Variants in COL25A1 observed in about 807,000 individuals in gnomAD.
COL25A1 encodes the protein collagen alpha-1(XXV) chain.
In COL25A1, 103 loss-of-function variants were observed where a neutral mutation model predicts 128.4. That is an observed-to-expected ratio of 0.80 (90% confidence interval 0.68 to 0.94). The LOEUF is 0.94. Among genes scored for constraint, COL25A1 ranks in the 40% least tolerant of loss-of-function variants. The pLI is 0.00. For synonymous variants in COL25A1, 279 were observed against 277.2 expected (o/e 1.01, Z -0.06); for missense variants, 745 against 840.0 (o/e 0.89, Z 1.40).
At chr4:108,889,151 A>T in intron 18 of COL25A1, 70 bp downstream of exon 18, 1 of 1,273,080 alleles carries the variant, frequency 7.9e-7, no homozygotes, top group Non-Finnish European at 1.1e-6. Flanking sequence ...TTTTCATATT[A>T]CACAGTGGAT....
rs1730925163 is a variant in COL25A1 at position 108,813,055 on chromosome 4, A to G, written c.*872T>C. The G allele has an allele frequency of 6.6e-6, 1 of 152,214 alleles. No individual in the cohort carries two copies. 9.4% of individuals were successfully genotyped at this position (152,214 alleles called of 1,614,324 possible). ...GTGGTTCTGCATGTTTGCATTTGTA[A>G]ACCTCTTTCCTACTTGGTCACATGA... On this transcript the variant is annotated 3_prime_UTR_variant, in exon 38 of 38. Transcript: ENST00000399132.
intron 3 of COL25A1, among the ~76,000 whole-genome samples, chr4:109,073,158 G>A (rs1425354): frequency 0.044 from 6,716 of 152,210 alleles, 201 homozygotes; most frequent in Non-Finnish European, 0.074. Flanking sequence ...GGGGAGGGGC[G>A]CATGTGCATG....
chr4:109,093,676 T>C (rs1765154900), intron 3 of COL25A1, among the ~76,000 whole-genome samples: 1 of 151,928 alleles, frequency 6.6e-6, no homozygotes, highest in Non-Finnish European at 1.5e-5. Flanking sequence ...AGCCAAAATG[T>C]GGGTTTTAAA....
At chr4:108,823,812 G>T in intron 35 of COL25A1, 1 of 826,002 alleles carries the variant, frequency 1.2e-6, no homozygotes, top group Non-Finnish European at 1.6e-6. Context: ...CCTTTGCAGG[G>T]TTCAATGAGC....
intron 3 of COL25A1, among the ~76,000 whole-genome samples, chr4:109,243,009 G>A (rs1486023259): frequency 6.6e-6 from 1 of 151,966 alleles, no homozygotes; most frequent in Non-Finnish European, 1.5e-5. Flanking sequence ...TCCAGACTTC[G>A]TCATCCTACA....
At chr4:109,140,681 TTC>T (rs1352912706) in intron 3 of COL25A1, among the ~76,000 whole-genome samples, 3 of 152,204 alleles carry the variant, frequency 2.0e-5, no homozygotes, top group African/African-American at 4.8e-5. Flanking sequence ...AGGTATTTTA[TTC>T]TCTTTGCAGC....
intron 3 of COL25A1, among the ~76,000 whole-genome samples, chr4:109,083,619 C>T (rs1028013808): frequency 3.3e-5 from 5 of 151,816 alleles, no homozygotes; most frequent in Non-Finnish European, 4.4e-5. Context: ...CCCGCTACCA[C>T]GCCCGGCTAA....
chr4:108,823,863 CT>C (rs1348382986), intron 35 of COL25A1: 6 of 1,324,532 alleles, frequency 4.5e-6, no homozygotes, highest in Non-Finnish European at 5.8e-6. Context: ...TTTAATTTTA[CT>C]TTTTAAAATG....
At chr4:108,814,757 C>G (rs1239007053) in intron 37 of COL25A1, among the ~76,000 whole-genome samples, 1 of 152,114 alleles carries the variant, frequency 6.6e-6, no homozygotes, top group South Asian at 2.1e-4. Flanking sequence ...GGTTGTAGGG[C>G]ACAGTGGCAA....
At chr4:108,967,942 C>T (rs567381494) in intron 8 of COL25A1, among the ~76,000 whole-genome samples, 7 of 152,182 alleles carry the variant, frequency 4.6e-5, no homozygotes, top group East Asian at 1.9e-4. Flanking sequence ...TATCTCTTTA[C>T]GCCCGGATAC....
At chr4:108,861,296 T>C (rs187398949) in intron 22 of COL25A1, among the ~76,000 whole-genome samples, 5 of 152,280 alleles carry the variant, frequency 3.3e-5, no homozygotes, top group Admixed American at 6.5e-5. Flanking sequence ...ACCTTGCAAA[T>C]TGAGCCATTT....
chr4:109,165,547 C>T (rs1431983342), intron 3 of COL25A1, among the ~76,000 whole-genome samples: 2 of 152,090 alleles, frequency 1.3e-5, no homozygotes, highest in African/African-American at 2.4e-5. Flanking sequence ...GAGACCCAGT[C>T]TCTACAAGAA....
intron 36 of COL25A1, among the ~76,000 whole-genome samples, chr4:108,818,545 A>G (rs914531988): frequency 7.2e-5 from 11 of 152,202 alleles, no homozygotes; most frequent in Admixed American, 6.6e-4. Flanking sequence ...AGAAGGTTCA[A>G]CCAGCAGAAT....
At chr4:109,054,642 G>A (rs1482813773) in intron 3 of COL25A1, among the ~76,000 whole-genome samples, 1 of 152,084 alleles carries the variant, frequency 6.6e-6, no homozygotes, top group African/African-American at 2.4e-5. Context: ...CATTAGATAA[G>A]AAAAATCATA....
chr4:109,144,118 C>T (rs1011739391), intron 3 of COL25A1, among the ~76,000 whole-genome samples: 2 of 152,158 alleles, frequency 1.3e-5, no homozygotes, highest in African/African-American at 4.8e-5. Context: ...GTATTCTTTT[C>T]TGTTCCTTAG....
intron 3 of COL25A1, among the ~76,000 whole-genome samples, chr4:109,095,914 T>C (rs976836276): frequency 6.6e-6 from 1 of 152,108 alleles, no homozygotes; most frequent in Non-Finnish European, 1.5e-5. Flanking sequence ...AGAGAAATTG[T>C]TTACCAAGAG....
intron 3 of COL25A1, among the ~76,000 whole-genome samples, chr4:109,258,067 C>T (rs1393169468): frequency 6.6e-6 from 1 of 152,134 alleles, no homozygotes; most frequent in East Asian, 1.9e-4. Flanking sequence ...TAACAGAGCC[C>T]AGTTGAGTTC....
At chr4:109,208,998 C>T (rs758472519) in intron 3 of COL25A1, among the ~76,000 whole-genome samples, 1 of 152,094 alleles carries the variant, frequency 6.6e-6, no homozygotes, top group African/African-American at 2.4e-5. Context: ...TATTATTGTG[C>T]TTTTCATTAT....
intron 3 of COL25A1, among the ~76,000 whole-genome samples, chr4:109,180,832 G>A (rs958578030): frequency 6.6e-6 from 1 of 152,048 alleles, no homozygotes. Flanking sequence ...TCAATGAAAA[G>A]ATTAAATATT....
Sources: allele counts gnomAD v4.1 joint callset (sites outside exome capture counted in the v4.1 genomes callset), GRCh38; gene constraint gnomAD v4.1.1; transcripts MANE v1.5; gene names NCBI Gene and HGNC (gene_info 2026-07-23, HGNC 2026-07-21).